CTNNA1: variants seen among roughly 807,000 people sequenced by gnomAD.
CTNNA1 encodes catenin alpha-1.
CTNNA1 carries 37 observed loss-of-function variants against 98.4 expected under a neutral mutation model. That is an observed-to-expected ratio of 0.38 (90% confidence interval 0.29 to 0.49). CTNNA1 has a LOEUF of 0.49. Among genes scored for constraint, CTNNA1 ranks in the 20% least tolerant of loss-of-function variants. CTNNA1 has a pLI of 0.95. For missense variants in CTNNA1, 761 were observed against 1,147.2 expected (o/e 0.66, Z 4.86); for synonymous variants, 404 against 413.2 (o/e 0.98, Z 0.27).
Position 138,874,735 on chromosome 5 carries a change from C to G in CTNNA1, c.1063-11477C>G, listed in dbSNP as rs1751112628. Among the ~76,000 whole-genome samples the G allele has an allele frequency of 6.6e-6, 1 of 152,072 alleles. No homozygotes were observed. Among genetic ancestry groups the G allele is most frequent in the Non-Finnish European group, 1.5e-5 (1 of 68,028 alleles). On this transcript the variant is annotated intron_variant, in intron 7 of 17. Coordinates refer to ENST00000302763, the MANE Select transcript of CTNNA1 (RefSeq NM_001903.5). The surrounding 1 kb of genome is among the most constrained non-coding windows in gnomAD (Gnocchi z 4.1). The stretch of plus-strand genomic sequence containing the variant: ...TGGTATGACTGGACCAAAACTTAAG[C>G]CATTTAAAAAGAAGATAAAACATGT...
At chr5:138,883,933 C>T (rs986006485) in intron 7 of CTNNA1, among the ~76,000 whole-genome samples, 4 of 152,186 alleles carry the variant, frequency 2.6e-5, no homozygotes, top group Admixed American at 6.5e-5. Flanking sequence ...AATAATTGCA[C>T]GTCTCAAGCT....
intron 7 of CTNNA1, among the ~76,000 whole-genome samples, chr5:138,831,519 G>A (rs1480778466): frequency 6.6e-6 from 1 of 152,138 alleles, no homozygotes; most frequent in Non-Finnish European, 1.5e-5. Flanking sequence ...CTGAGCTCCT[G>A]TCTTTAGTAC....
intron 7 of CTNNA1, among the ~76,000 whole-genome samples, chr5:138,865,544 C>T (rs1035479426): frequency 6.6e-6 from 1 of 152,162 alleles, no homozygotes; most frequent in Admixed American, 6.6e-5. Flanking sequence ...CCGATGAAAG[C>T]TGTTGGTTTT....
intron 17 of CTNNA1, 166 bp downstream of exon 17, chr5:138,932,878 TTCC>T (rs764552637): frequency 1.1e-6 from 1 of 904,258 alleles, no homozygotes; most frequent in Admixed American, 1.7e-5. Context: ...CCATCATCTG[TTCC>T]CTGTAGAACT....
chr5:138,855,185 C>G (rs1037818196), intron 7 of CTNNA1, among the ~76,000 whole-genome samples: 2 of 152,156 alleles, frequency 1.3e-5, no homozygotes, highest in Admixed American at 1.3e-4. Flanking sequence ...ACTGCAGGTG[C>G]CTGCCAGCAC....
At chr5:138,864,100 C>G (rs1764524790) in intron 7 of CTNNA1, among the ~76,000 whole-genome samples, 1 of 152,134 alleles carries the variant, frequency 6.6e-6, no homozygotes, top group Non-Finnish European at 1.5e-5. Context: ...GTAGCTGGGA[C>G]TACAGGTGCA....
chr5:138,919,690 A>T (rs137861491), intron 11 of CTNNA1, among the ~76,000 whole-genome samples: 1 of 152,346 alleles, frequency 6.6e-6, no homozygotes, highest in Admixed American at 6.5e-5. Flanking sequence ...TCATGGAACA[A>T]TTCTTTCAGT....
At chr5:138,863,150 G>GT (rs150352480) in intron 7 of CTNNA1, among the ~76,000 whole-genome samples, 7,793 of 150,314 alleles carry the variant, frequency 0.052, 272 homozygotes, top group South Asian at 0.12. Context: ...AATCTAGGTG[G>GT]TTTTTTTTTA....
chr5:138,764,641 T>C (rs1159418091), intron 1 of CTNNA1, among the ~76,000 whole-genome samples: 1 of 151,256 alleles, frequency 6.6e-6, no homozygotes, highest in Non-Finnish European at 1.5e-5. Context: ...CTGGCTGATT[T>C]TGTATTTTTA....
At chr5:138,831,947 T>TA (rs1761313381) in intron 7 of CTNNA1, among the ~76,000 whole-genome samples, 1 of 152,180 alleles carries the variant, frequency 6.6e-6, no homozygotes, top group Admixed American at 6.5e-5. Flanking sequence ...CAAAGACCTT[T>TA]ACCCTTATGG....
At chr5:138,802,814 T>A (rs1757715756) in intron 3 of CTNNA1, among the ~76,000 whole-genome samples, 1 of 152,202 alleles carries the variant, frequency 6.6e-6, no homozygotes, top group Non-Finnish European at 1.5e-5. Flanking sequence ...GATTTTTATA[T>A]TCTGAGACAG....
rs180911539 is a variant in CTNNA1 at position 138,913,569 on chromosome 5, G to A, written c.1390-4173G>A. Among the ~76,000 whole-genome samples, 1,321 of 145,628 alleles carry A rather than the reference G, an allele frequency of 9.1e-3. 14 individuals carry two copies. The highest frequency in any genetic ancestry group is 0.018 in the Middle Eastern group (5 of 284). ...ACTGCACTCCAGCCTGGGCGATAGAGGGAGACCCTGTCTCAAAAAAAAAAA... is the reference window on the plus strand; with the variant it reads ...ACTGCACTCCAGCCTGGGCGATAGAAGGAGACCCTGTCTCAAAAAAAAAAA... On this transcript the variant is annotated intron_variant, in intron 10 of 17. Transcript: ENST00000302763.
chr5:138,801,773 A>G (rs1332959776), intron 3 of CTNNA1, among the ~76,000 whole-genome samples: 4 of 152,236 alleles, frequency 2.6e-5, no homozygotes, highest in Middle Eastern at 3.2e-3. Flanking sequence ...ATTCAACACA[A>G]CAAAGATGAA....
At position 138,856,817 on chromosome 5, in the gene CTNNA1, C is replaced by G. The variant is rs77825560; in HGVS notation, c.1062+29099C>G. Among the ~76,000 whole-genome samples the G allele has an allele frequency of 6.9e-3, 1,057 of 152,282 alleles. 7 individuals are homozygous for G. The highest frequency in any genetic ancestry group is 0.024 in the African/African-American group (1,006 of 41,548). On this transcript the variant is annotated intron_variant, in intron 7 of 17. Transcript: ENST00000302763. ...AAACTGGACCTTTCTGTGCCTAATT[C>G]ATGAGATGAAATCCTTATTGAGATT...
chr5:138,874,484 A>G lies in CTNNA1; in HGVS notation c.1063-11728A>G, dbSNP rs371492043. On this transcript the variant is annotated intron_variant, in intron 7 of 17. Transcript: ENST00000302763. The surrounding 1 kb of genome is among the most constrained non-coding windows in gnomAD (Gnocchi z 4.1). ...ACACGCCATACCCAGGGCAGGCAGC[A>G]TTTTTAAAACCATACTCATTGCATA... 7.4e-6 allele frequency: 12 copies of G among 1,612,006 alleles called. No individual in the cohort carries two copies. Among genetic ancestry groups the G allele is most frequent in the Non-Finnish European group, 8.5e-6 (10 of 1,179,020 alleles).
At chr5:138,772,510 G>A (rs1753659072) in intron 1 of CTNNA1, among the ~76,000 whole-genome samples, 3 of 152,168 alleles carry the variant, frequency 2.0e-5, no homozygotes, top group African/African-American at 7.2e-5. Flanking sequence ...CAGAAGATAC[G>A]ACTAAGATTA....
chr5:138,928,672 G>A (rs991428884), intron 13 of CTNNA1, among the ~76,000 whole-genome samples: 2 of 152,198 alleles, frequency 1.3e-5, no homozygotes, highest in Non-Finnish European at 2.9e-5. Context: ...AGTGGCTCAC[G>A]CCTGTAATCT....
chr5:138,753,427 C>T lies in CTNNA1; in HGVS notation c.-86C>T, dbSNP rs1751211679. ...GGGGGCGTGGGGCGGCCCATTTCCT[C>T]CTCCTAGCCGGACTGGAGGGAGACA... On this transcript the variant is annotated 5_prime_UTR_variant, in exon 1 of 18. Transcript: ENST00000302763. 3 of 371,510 alleles carry T rather than the reference C, an allele frequency of 8.1e-6. No homozygotes were observed. Among genetic ancestry groups the T allele is most frequent in the Non-Finnish European group, 1.4e-5 (3 of 208,900 alleles). The allele number at this position is 371,510 out of a possible 1,614,324, so 23.0% of individuals were successfully genotyped here.
At chr5:138,827,442 T>C in intron 6 of CTNNA1, 73 bp from the exon 7 acceptor site, 1 of 1,527,270 alleles carries the variant, frequency 6.5e-7, no homozygotes, top group Non-Finnish European at 9.0e-7. Context: ...ATATTACTAA[T>C]AACACTTTTC....
Sources: gnomAD v4.1 joint callset for allele counts (sites outside exome capture counted in the v4.1 genomes callset) on GRCh38, gnomAD v4.1.1 for gene constraint, Gnocchi (gnomAD v3.1) non-coding constraint, MANE v1.5 for transcripts, NCBI Gene and HGNC (gene_info 2026-07-23, HGNC 2026-07-21) for gene names.